Variants in PPARGC1A observed in about 807,000 individuals in gnomAD.
PPARGC1A encodes peroxisome proliferator-activated receptor gamma coactivator 1-alpha.
PPARGC1A carries 25 observed loss-of-function variants against 88.7 expected under a neutral mutation model. The observed-to-expected ratio is 0.28, with a 90% CI of 0.21 to 0.39. The LOEUF (loss-of-function observed/expected upper bound fraction) is 0.39, where lower values mean the gene tolerates loss of function less well. PPARGC1A is among the 10% of genes least tolerant of loss of function. PPARGC1A has a pLI of 1.00. For missense variants in PPARGC1A, 880 were observed against 968.7 expected (o/e 0.91, Z 1.22); for synonymous variants, 363 against 355.6 (o/e 1.02, Z -0.24).
At chr4:24,192,155 T>C in the PPARGC1A span, among the ~76,000 whole-genome samples, 1 of 152,180 alleles carries the variant, frequency 6.6e-6, no homozygotes, top group African/African-American at 2.4e-5. Context: ...AAATATGCAA[T>C]GGAGTGGGAA....
At chr4:24,453,583 C>G in the PPARGC1A span, among the ~76,000 whole-genome samples, 1 of 152,192 alleles carries the variant, frequency 6.6e-6, no homozygotes, top group Admixed American at 6.5e-5. Flanking sequence ...AGTTGGCAAC[C>G]AGCCTGACTA....
chr4:23,831,758 A>G lies in PPARGC1A; in HGVS notation c.235-7T>C, dbSNP rs1194539129. ...CATTCTCTTCATCTATCTTCTGCAG[A>G]AAGAGAAAAAAACAGAAGATGTGAG... On this transcript the variant is annotated splice_region_variant and splice_polypyrimidine_tract_variant and intron_variant, in intron 2 of 12. Coordinates refer to ENST00000264867, the MANE Select transcript of PPARGC1A (RefSeq NM_013261.5). The G allele has an allele frequency of 1.2e-6, 2 of 1,602,282 alleles. No homozygotes were observed. Among genetic ancestry groups the G allele is most frequent in the Admixed American group, 3.3e-5 (2 of 59,928 alleles).
chr4:24,048,596 G>C, the PPARGC1A span, among the ~76,000 whole-genome samples: 1 of 152,140 alleles, frequency 6.6e-6, no homozygotes, highest in African/African-American at 2.4e-5. Flanking sequence ...GCTTCAGACA[G>C]GATTCAAGCC....
chr4:23,939,425 CT>C, the PPARGC1A span, among the ~76,000 whole-genome samples: 1 of 152,256 alleles, frequency 6.6e-6, no homozygotes. Flanking sequence ...CCTTATTACC[CT>C]CTAGGTCAAA....
At chr4:24,350,378 C>T in the PPARGC1A span, among the ~76,000 whole-genome samples, 4 of 152,086 alleles carry the variant, frequency 2.6e-5, no homozygotes, top group African/African-American at 9.7e-5. Context: ...CAAATAGCAT[C>T]TGAAAAAAAC....
At chr4:23,826,671 G>C (rs78560240) in intron 5 of PPARGC1A, among the ~76,000 whole-genome samples, 4,371 of 152,100 alleles carry the variant, frequency 0.029, 218 homozygotes, top group African/African-American at 0.1. Flanking sequence ...TTACTTGTCA[G>C]CCATGTTTCA....
the PPARGC1A span, among the ~76,000 whole-genome samples, chr4:24,441,297 G>C: frequency 6.6e-6 from 1 of 152,124 alleles, no homozygotes; most frequent in Non-Finnish European, 1.5e-5. Context: ...TTCTAGCTTT[G>C]ATTTATTCTG....
chr4:23,948,044 C>T, the PPARGC1A span, among the ~76,000 whole-genome samples: 2 of 152,056 alleles, frequency 1.3e-5, no homozygotes, highest in Non-Finnish European at 2.9e-5. Flanking sequence ...GCTCTGTGTT[C>T]GCATGCCTTC....
chr4:24,175,088 G>A, the PPARGC1A span, among the ~76,000 whole-genome samples: 1 of 152,088 alleles, frequency 6.6e-6, no homozygotes, highest in Non-Finnish European at 1.5e-5. Context: ...GAGGCCTCGC[G>A]ATATATATCA....
At chr4:24,173,867 A>T in the PPARGC1A span, among the ~76,000 whole-genome samples, 2 of 152,232 alleles carry the variant, frequency 1.3e-5, no homozygotes, top group African/African-American at 4.8e-5. Flanking sequence ...CAGGGAGAGC[A>T]TTTTAATGAT....
the PPARGC1A span, among the ~76,000 whole-genome samples, chr4:24,387,374 A>G: frequency 6.6e-6 from 1 of 152,212 alleles, no homozygotes; most frequent in Non-Finnish European, 1.5e-5. Context: ...AATGGCAACA[A>G]AAGCCAAAAT....
the PPARGC1A span, among the ~76,000 whole-genome samples, chr4:23,977,805 T>C: frequency 1.9e-4 from 29 of 152,228 alleles, no homozygotes; most frequent in Non-Finnish European, 3.4e-4. Context: ...TTCTGTCCCC[T>C]ACTTCGACGA....
chr4:24,243,779 A>G, the PPARGC1A span, among the ~76,000 whole-genome samples: 9 of 152,354 alleles, frequency 5.9e-5, no homozygotes, highest in Admixed American at 2.0e-4. Context: ...ACAGCTCAAA[A>G]GAGACTCAGA....
chr4:24,249,463 A>G, the PPARGC1A span, among the ~76,000 whole-genome samples: 2 of 152,220 alleles, frequency 1.3e-5, no homozygotes, highest in African/African-American at 4.8e-5. Context: ...CCCCTGCTGG[A>G]AACTCCAAAA....
At chr4:24,177,294 T>C in the PPARGC1A span, among the ~76,000 whole-genome samples, 2 of 152,038 alleles carry the variant, frequency 1.3e-5, no homozygotes, top group African/African-American at 4.8e-5. Context: ...GCCATAAAAA[T>C]GATGAGTTCA....
At chr4:24,221,715 G>C in the PPARGC1A span, among the ~76,000 whole-genome samples, 1 of 152,126 alleles carries the variant, frequency 6.6e-6, no homozygotes, top group African/African-American at 2.4e-5. Context: ...AAAGATTGCC[G>C]TGAGCTATGA....
the PPARGC1A span, among the ~76,000 whole-genome samples, chr4:24,143,724 G>A: frequency 3.9e-5 from 6 of 152,062 alleles, no homozygotes; most frequent in East Asian, 1.9e-4. Context: ...AGCATTTATC[G>A]GACATATATG....
At chr4:24,077,021 CA>C in the PPARGC1A span, among the ~76,000 whole-genome samples, 1 of 151,048 alleles carries the variant, frequency 6.6e-6, no homozygotes, top group African/African-American at 2.4e-5. Flanking sequence ...GGCTCAATGC[CA>C]AAAAAAAGTT....
chr4:24,324,906 A>C, the PPARGC1A span, among the ~76,000 whole-genome samples: 6 of 151,868 alleles, frequency 4.0e-5, no homozygotes, highest in Admixed American at 2.0e-4. Flanking sequence ...TCGCCAGCCC[A>C]AGCTAGGTCC....
Sources: allele counts gnomAD v4.1 joint callset (sites outside exome capture counted in the v4.1 genomes callset), GRCh38; gene constraint gnomAD v4.1.1; transcripts MANE v1.5; gene names NCBI Gene and HGNC (gene_info 2026-07-23, HGNC 2026-07-21).